The following NALF1 variants were observed in gnomAD, a reference collection of about 807,000 sequenced individuals.
The protein encoded by NALF1 is family with sequence similarity 155 member A.
In NALF1, 3 loss-of-function variants were observed where a neutral mutation model predicts 48.4. The ratio of observed to expected loss-of-function variants is 0.06; its 90% confidence interval spans 0.03 to 0.16. The LOEUF (loss-of-function observed/expected upper bound fraction) is 0.16, where lower values mean the gene tolerates loss of function less well. NALF1 is among the 10% of genes least tolerant of loss of function. The pLI, the probability that NALF1 is intolerant of heterozygous loss-of-function variation, is 1.00. For synonymous variants in NALF1, 262 were observed against 245.7 expected (o/e 1.07, Z -0.62); for missense variants, 526 against 571.5 (o/e 0.92, Z 0.81).
chr13:107,497,651 C>T (rs1171280933), intron 1 of NALF1, among the ~76,000 whole-genome samples: 1 of 152,124 alleles, frequency 6.6e-6, no homozygotes, highest in African/African-American at 2.4e-5. Flanking sequence ...TTAATAATCC[C>T]CAGTGTCCCT....
chr13:107,699,634 T>C (rs891017962), intron 1 of NALF1, among the ~76,000 whole-genome samples: 6 of 152,016 alleles, frequency 3.9e-5, no homozygotes, highest in African/African-American at 7.2e-5. Flanking sequence ...CTGGCACTCA[T>C]TACTATTCAA....
intron 1 of NALF1, among the ~76,000 whole-genome samples, chr13:107,408,886 AT>A (rs1250255965): frequency 1.3e-5 from 2 of 151,960 alleles, no homozygotes; most frequent in Admixed American, 1.3e-4. Flanking sequence ...CCTTAAATAT[AT>A]TTTTTTACTA....
intron 2 of NALF1, among the ~76,000 whole-genome samples, chr13:107,173,809 G>GAAAT (rs1878855254): frequency 6.6e-6 from 1 of 152,180 alleles, no homozygotes; most frequent in African/African-American, 2.4e-5. Context: ...TTCTAATTTA[G>GAAAT]AAATGATCGT....
chr13:107,380,396 CAGAG>C (rs1883412708), intron 1 of NALF1, among the ~76,000 whole-genome samples: 2 of 152,092 alleles, frequency 1.3e-5, no homozygotes, highest in African/African-American at 4.8e-5. Context: ...TGTATAAGGA[CAGAG>C]AAAGAAGTAT....
intron 1 of NALF1, among the ~76,000 whole-genome samples, chr13:107,239,805 C>T (rs753882690): frequency 7.9e-5 from 12 of 152,072 alleles, no homozygotes; most frequent in Non-Finnish European, 1.2e-4. Context: ...CCCCAAAATA[C>T]GTATTTTCCC....
intron 1 of NALF1, among the ~76,000 whole-genome samples, chr13:107,638,842 A>G (rs9634464): frequency 0.64 from 97,296 of 151,954 alleles, 31,884 homozygotes; most frequent in East Asian, 0.99. Context: ...CCAGAAGGCT[A>G]GTGAGGCTGG....
chr13:107,809,260 C>T (rs538999827), intron 1 of NALF1, among the ~76,000 whole-genome samples: 23 of 152,128 alleles, frequency 1.5e-4, no homozygotes, highest in African/African-American at 4.1e-4. Context: ...TTTACCTAGA[C>T]GTGGACAAGG....
At chr13:107,190,303 C>G (rs529754489) in intron 2 of NALF1, among the ~76,000 whole-genome samples, 1 of 152,238 alleles carries the variant, frequency 6.6e-6, no homozygotes, top group African/African-American at 2.4e-5. Context: ...TCCTGCTTTT[C>G]TTTGTAAAAA....
At chr13:107,798,917 G>A (rs2138594363) in intron 1 of NALF1, among the ~76,000 whole-genome samples, 1 of 152,250 alleles carries the variant, frequency 6.6e-6, no homozygotes, top group African/African-American at 2.4e-5. Context: ...AGCCTTTTGA[G>A]CACCTATATA....
intron 2 of NALF1, among the ~76,000 whole-genome samples, chr13:107,178,385 T>C (rs752171102): frequency 6.6e-6 from 1 of 152,150 alleles, no homozygotes; most frequent in African/African-American, 2.4e-5. Context: ...AATTTAAAAA[T>C]TGGCAAAAGA....
rs916569447 is a variant in NALF1 at position 107,690,955 on chromosome 13, T to G, written c.915+174727A>C. On this transcript the variant is annotated intron_variant, in intron 1 of 2. Transcript: ENST00000375915. ...AGCCAATGCAATTCATAATCTGTTA[T>G]GGGTTGAATTGTGTCCCTCCCCTAA... 6.6e-5 allele frequency among the ~76,000 whole-genome samples: 10 copies of G among 152,332 alleles called. No individual in the cohort carries two copies. The East Asian group carries it at 1.9e-3, about 29-fold the overall frequency.
chr13:107,237,682 G>A (rs1412540836), intron 1 of NALF1, among the ~76,000 whole-genome samples: 9 of 152,096 alleles, frequency 5.9e-5, no homozygotes, highest in African/African-American at 1.9e-4. Flanking sequence ...TGCAACCATC[G>A]TAGGCCTGAC....
intron 1 of NALF1, among the ~76,000 whole-genome samples, chr13:107,687,421 C>T (rs1003068624): frequency 6.6e-6 from 1 of 151,006 alleles, no homozygotes; most frequent in African/African-American, 2.4e-5. Context: ...CTCAATATGC[C>T]CATGTAGCAA....
intron 1 of NALF1, among the ~76,000 whole-genome samples, chr13:107,414,228 A>T (rs904240846): frequency 6.6e-6 from 1 of 152,010 alleles, no homozygotes; most frequent in Non-Finnish European, 1.5e-5. Flanking sequence ...AACTTTTATG[A>T]TGCCAATTTT....
At chr13:107,373,028 T>C (rs915319000) in intron 1 of NALF1, among the ~76,000 whole-genome samples, 1 of 152,192 alleles carries the variant, frequency 6.6e-6, no homozygotes, top group Non-Finnish European at 1.5e-5. Context: ...GGGATGATAA[T>C]AATACAGGCT....
chr13:107,835,878 T>G (rs1879873849), intron 1 of NALF1, among the ~76,000 whole-genome samples: 1 of 152,114 alleles, frequency 6.6e-6, no homozygotes, highest in Non-Finnish European at 1.5e-5. Flanking sequence ...TGAGAGAAGA[T>G]TAATACATTC....
intron 1 of NALF1, among the ~76,000 whole-genome samples, chr13:107,341,910 C>T (rs1055000673): frequency 1.3e-5 from 2 of 149,992 alleles, no homozygotes; most frequent in African/African-American, 4.9e-5. Context: ...CACACACACA[C>T]TGATGCATAT....
At chr13:107,357,320 G>A (rs1281730775) in intron 1 of NALF1, among the ~76,000 whole-genome samples, 2 of 152,110 alleles carry the variant, frequency 1.3e-5, no homozygotes, top group Non-Finnish European at 2.9e-5. Context: ...ATCAGATTTA[G>A]GGAGAACTCA....
chr13:107,820,072 A>T (rs528753534), intron 1 of NALF1, among the ~76,000 whole-genome samples: 81 of 152,302 alleles, frequency 5.3e-4, no homozygotes, highest in African/African-American at 1.9e-3. Flanking sequence ...CTTGTGACCC[A>T]GGAGGTAGAA....
Sources: gnomAD v4.1 joint callset for allele counts (sites outside exome capture counted in the v4.1 genomes callset) on GRCh38, gnomAD v4.1.1 for gene constraint, MANE v1.5 for transcripts, NCBI Gene and HGNC (gene_info 2026-07-23, HGNC 2026-07-21) for gene names.